ARAP2: variants seen among roughly 807,000 people sequenced by gnomAD.
The protein encoded by ARAP2 is arf-GAP with Rho-GAP domain, ANK repeat and PH domain-containing protein 2.
ARAP2 carries 148 observed loss-of-function variants against 194.5 expected under a neutral mutation model. That is an observed-to-expected ratio of 0.76 (90% confidence interval 0.67 to 0.87). The LOEUF (loss-of-function observed/expected upper bound fraction) is 0.87, where lower values mean the gene tolerates loss of function less well. ARAP2 is among the 40% of genes least tolerant of loss of function. The pLI is 0.00. For missense variants in ARAP2, 2,128 were observed against 1,989.7 expected, an observed-to-expected ratio of 1.07 and a Z score of -1.32; for synonymous variants, 695 against 683.5, an observed-to-expected ratio of 1.02 and a Z score of -0.26.
At position 36,128,715 on chromosome 4, in the gene ARAP2, T is replaced by C. The variant is rs1248599181; in HGVS notation, c.3458A>G (p.Asn1153Ser). Residue 1153 changes from asparagine to serine, a missense_variant, in exon 21 of 33, where the codon AAT becomes AGT. Transcript: ENST00000303965. ...GLGCKYIYQK[N>S]GDPLHISELL... is the part of the protein sequence containing the mutation. ...TTCACTTATATGCAAAGGATCACCATTCTTTTGATAGATATATTTGCATCC... is the reference window on the plus strand; with the variant it reads ...TTCACTTATATGCAAAGGATCACCACTCTTTTGATAGATATATTTGCATCC... 1 of 1,611,382 alleles carries C rather than the reference T, an allele frequency of 6.2e-7. No homozygotes were observed. Among genetic ancestry groups the C allele is most frequent in the Middle Eastern group, 1.7e-4 (1 of 6,042 alleles).
intron 2 of ARAP2, among the ~76,000 whole-genome samples, chr4:36,222,607 T>A (rs1467536095): frequency 4.0e-5 from 6 of 151,866 alleles, no homozygotes; most frequent in Admixed American, 2.0e-4. Context: ...CATGCACGAG[T>A]AGGATAAACA....
At chr4:36,152,928 C>T (rs1368831304) in intron 15 of ARAP2, among the ~76,000 whole-genome samples, 1 of 152,190 alleles carries the variant, frequency 6.6e-6, no homozygotes, top group Non-Finnish European at 1.5e-5. Context: ...AAGAGTCTCA[C>T]TTGATGGGTG....
rs200533187 is a variant in ARAP2, at chr4:36,133,318, C to G, written c.3335G>C (p.Gly1112Ala). The change falls in exon 20 of 33, where the codon GGT (glycine) becomes GCT (alanine). Residue 1112 changes from glycine to alanine, a missense_variant. Coordinates refer to ENST00000303965, the MANE Select transcript of ARAP2 (RefSeq NM_015230.4). ...ATCTTGTAAAGCATTACCATCTGTACCTGCTGCTTTTTCAATTGCAGTATG... is the reference window on the plus strand; with the variant it reads ...ATCTTGTAAAGCATTACCATCTGTAGCTGCTGCTTTTTCAATTGCAGTATG... The part of the protein sequence containing the change: ...VWHTAIEKAA[G>A]TDGNALQDQQ... 50 of 1,611,374 alleles carry G rather than the reference C, an allele frequency of 3.1e-5. No individual in the cohort carries two copies.
At chr4:36,235,494 T>A (rs1752262490) in intron 1 of ARAP2, among the ~76,000 whole-genome samples, 1 of 152,230 alleles carries the variant, frequency 6.6e-6, no homozygotes. Context: ...AGATAGGTGA[T>A]CCCTCCCTAA....
chr4:36,114,136 T>C (rs775295698), intron 26 of ARAP2, 34 bp downstream of exon 26: 1 of 1,360,120 alleles, frequency 7.4e-7, no homozygotes, highest in African/African-American at 1.5e-5. Flanking sequence ...ACAGTATAAG[T>C]AATTTAAGAA....
intron 5 of ARAP2, among the ~76,000 whole-genome samples, chr4:36,043,801 A>AAGGGAAGGGAAGGGG (rs1721275313): frequency 1.9e-5 from 1 of 52,884 alleles, no homozygotes; most frequent in African/African-American, 5.9e-5. Context: ...AAGAGAAGGG[A>AAGGGAAGGGAAGGGG]AGGGAAGGGA....
At chr4:36,082,172 T>C in intron 30 of ARAP2, 79 bp downstream of exon 30, 2 of 1,328,356 alleles carry the variant, frequency 1.5e-6, no homozygotes, top group African/African-American at 1.5e-5. Flanking sequence ...TGTAGTTCTA[T>C]CTGCAATTAC....
chr4:36,127,368 T>C (rs1218458737), intron 21 of ARAP2, among the ~76,000 whole-genome samples: 3 of 152,016 alleles, frequency 2.0e-5, no homozygotes, highest in Admixed American at 1.3e-4. Context: ...TGAGAAACAT[T>C]AGAAGGCAAA....
intron 2 of ARAP2, among the ~76,000 whole-genome samples, chr4:36,215,649 A>T (rs551042214): frequency 6.6e-6 from 1 of 152,346 alleles, no homozygotes; most frequent in Non-Finnish European, 1.5e-5. Flanking sequence ...CCCAAACCAA[A>T]AAAAGGACTC....
chr4:36,209,957 ACTTT>A (rs1336035609), intron 6 of ARAP2, among the ~76,000 whole-genome samples: 1 of 152,204 alleles, frequency 6.6e-6, no homozygotes, highest in African/African-American at 2.4e-5. Flanking sequence ...ACAAAGATGT[ACTTT>A]TCCCTAACAA....
At chr4:36,072,152 T>A (rs1425801507) in intron 32 of ARAP2, among the ~76,000 whole-genome samples, 4 of 152,160 alleles carry the variant, frequency 2.6e-5, no homozygotes, top group African/African-American at 9.7e-5. Context: ...AGTTTCATTA[T>A]GTTTTTCCAA....
chr4:36,205,815 A>C (rs1745420121), intron 6 of ARAP2, among the ~76,000 whole-genome samples: 1 of 152,226 alleles, frequency 6.6e-6, no homozygotes, highest in Admixed American at 6.5e-5. Flanking sequence ...GATGGCTGAA[A>C]GGAATTAACC....
intron 32 of ARAP2, 103 bp downstream of exon 32, chr4:36,073,586 T>C (rs1421669983): frequency 1.6e-6 from 2 of 1,289,862 alleles, no homozygotes. Context: ...GTGATTATTA[T>C]TGTGCTTTTG....
rs752815233 is a variant in ARAP2 at position 36,128,501 on chromosome 4, CACAT to C, written c.3640+28_3640+31del. On this transcript the variant is annotated intron_variant, in intron 21 of 32. Coordinates refer to ENST00000303965, the MANE Select transcript of ARAP2 (RefSeq NM_015230.4). ...ATACACACACACACACACACACACA[CACAT>C]ATCTACAAATATCTGTATAAATATT... is the stretch of plus-strand genomic sequence containing the variant. 1.6e-3 allele frequency: 2,503 copies of C among 1,539,626 alleles called. 29 individuals are homozygous for C. Among genetic ancestry groups the C allele is most frequent in the Non-Finnish European group, 2.1e-3 (2,287 of 1,113,482 alleles).
intron 27 of ARAP2, among the ~76,000 whole-genome samples, chr4:36,098,239 CG>C (rs1715864668): frequency 6.6e-6 from 1 of 151,986 alleles, no homozygotes; most frequent in African/African-American, 2.4e-5. Flanking sequence ...ATATATCCCC[CG>C]CTTTACCCTC....
chr4:36,031,373 C>T (rs1236175692), intron 5 of ARAP2, among the ~76,000 whole-genome samples: 2 of 152,096 alleles, frequency 1.3e-5, no homozygotes, highest in South Asian at 2.1e-4. Flanking sequence ...CAATCGAATG[C>T]CTTCTTATAC....
intron 28 of ARAP2, among the ~76,000 whole-genome samples, chr4:36,089,396 T>A (rs901378557): frequency 6.6e-6 from 1 of 152,150 alleles, no homozygotes; most frequent in Admixed American, 6.6e-5. Flanking sequence ...CTTTTATGAA[T>A]AAATCTGCTT....
intron 2 of ARAP2, among the ~76,000 whole-genome samples, chr4:36,215,166 T>C (rs893759861): frequency 3.3e-5 from 5 of 152,162 alleles, no homozygotes; most frequent in African/African-American, 1.2e-4. Context: ...ACTGGCAGAT[T>C]TATACTATAC....
intron 10 of ARAP2, chr4:36,006,299 T>G (rs1713259660): frequency 2.6e-5 from 4 of 152,230 alleles, no homozygotes; most frequent in Admixed American, 2.6e-4. Context: ...TTCACTGTCT[T>G]GATTTTTAAG....
Sources: allele counts gnomAD v4.1 joint callset (sites outside exome capture counted in the v4.1 genomes callset), GRCh38; gene constraint gnomAD v4.1.1; transcripts MANE v1.5; gene names NCBI Gene and HGNC (gene_info 2026-07-23, HGNC 2026-07-21).